MTF1: variants seen among roughly 807,000 people sequenced by gnomAD.
The protein encoded by MTF1 is metal regulatory transcription factor 1, also known as MRE-binding transcription factor.
Under a neutral mutation model 70.4 loss-of-function variants are expected in MTF1, and 22 were observed. That is an observed-to-expected ratio of 0.31 (90% CI 0.22 to 0.45). The LOEUF (loss-of-function observed/expected upper bound fraction) is 0.45. Ranked by LOEUF, MTF1 falls within the 20% of genes least tolerant of loss-of-function variation. The pLI is 1.00. For missense variants in MTF1, 649 were observed against 922.0 expected (o/e 0.70, Z 3.83); for synonymous variants, 333 against 352.8 (o/e 0.94, Z 0.63).
In MTF1 at chr1:37,815,875, C is replaced by T. The variant is rs1364176192; in HGVS notation, c.1832-309G>A. ...ACCCTCCCTGTGGAGGCCTACTTTT[C>T]CTGACACGTTCTTTATACCCCTGGG... On this transcript the variant is annotated intron_variant, in intron 10 of 10. Coordinates refer to ENST00000373036, the MANE Select transcript of MTF1 (RefSeq NM_005955.3). The surrounding 1 kb of genome is among the most constrained non-coding windows in gnomAD (Gnocchi z 4.5). 6.6e-6 allele frequency among the ~76,000 whole-genome samples: 1 copy of T among 152,148 alleles called. No individual in the cohort carries two copies. The highest frequency in any genetic ancestry group is 6.5e-5 in the Admixed American group (1 of 15,278).
In MTF1 at chr1:37,857,467, G is replaced by A. The variant is rs143216381; in HGVS notation, c.192C>T (p.Asp64=). The A allele has an allele frequency of 3.3e-5, 53 of 1,614,022 alleles. No homozygotes were observed. In the African/African-American group the frequency reaches 3.6e-4, roughly 11 times the overall value. The change falls in exon 2 of 11, where the codon GAC becomes GAT. Residue 64 remains aspartate, a synonymous_variant. Transcript: ENST00000373036. ...AAGGCAAGTGTTCTCCGCACTGTCCGTCGTCATCTTCATCCTCCAAAGTGC... is the reference window on the plus strand; with the variant it reads ...AAGGCAAGTGTTCTCCGCACTGTCCATCGTCATCTTCATCCTCCAAAGTGC... ...DPGTLEDEDD[D]GQCGEHLPFL... is the part of the protein sequence containing the mutation.
Position 37,840,275 on chromosome 1 carries a change from T to G in MTF1, c.409-117A>C. On this transcript the variant is annotated intron_variant, in intron 2 of 10. Transcript: ENST00000373036. The surrounding 1 kb of genome is among the most constrained non-coding windows in gnomAD (Gnocchi z 4.5). ...GGACAATACAACTGGGTTTTCATCA[T>G]AAACACAGAAAACAGCCTCTAGCAG... 3 of 909,814 alleles carry G rather than the reference T, an allele frequency of 3.3e-6. No homozygotes were observed. The highest frequency in any genetic ancestry group is 5.2e-6 in the Non-Finnish European group (3 of 581,314). 56.4% of individuals were successfully genotyped at this position (909,814 alleles called of 1,614,324 possible).
chr1:37,826,447 C>T, intron 7 of MTF1: 1 of 376,978 alleles, frequency 2.7e-6, no homozygotes, highest in South Asian at 1.9e-5. Flanking sequence ...TGCCTGGCTG[C>T]TTTTTAAAAA....
At chr1:37,847,744 C>T (rs1272327737) in intron 2 of MTF1, among the ~76,000 whole-genome samples, 2 of 152,198 alleles carry the variant, frequency 1.3e-5, no homozygotes, top group Admixed American at 1.3e-4. Flanking sequence ...AAGTGCTCAC[C>T]TAGCACTTTG....
intron 2 of MTF1, among the ~76,000 whole-genome samples, chr1:37,850,638 T>TGA (rs1641404013): frequency 6.6e-6 from 1 of 151,884 alleles, no homozygotes; most frequent in East Asian, 1.9e-4. Context: ...ATAACAAGTA[T>TGA]GAGAATAAGA....
chr1:37,842,268 A>C (rs552395174), intron 2 of MTF1, among the ~76,000 whole-genome samples: 10 of 152,210 alleles, frequency 6.6e-5, no homozygotes, highest in Non-Finnish European at 1.2e-4. Context: ...TAATAATAAC[A>C]ATAACATTTT....
At chr1:37,849,269 T>C (rs1030587622) in intron 2 of MTF1, among the ~76,000 whole-genome samples, 1 of 151,930 alleles carries the variant, frequency 6.6e-6, no homozygotes, top group Non-Finnish European at 1.5e-5. Flanking sequence ...CTACTAAAAA[T>C]ACAAAATTTA....
intron 2 of MTF1, among the ~76,000 whole-genome samples, chr1:37,842,815 A>G (rs190683774): frequency 6.6e-6 from 1 of 152,312 alleles, no homozygotes; most frequent in African/African-American, 2.4e-5. Context: ...TCAACATGTT[A>G]AATGTCAGAG....
rs562077303 is a variant in MTF1 at position 37,814,030 on chromosome 1, G to A, written c.*1106C>T. On this transcript the variant is annotated 3_prime_UTR_variant, in exon 11 of 11. Coordinates refer to ENST00000373036, the MANE Select transcript of MTF1 (RefSeq NM_005955.3). ...TTTTTTAAATAAATCACATGACTAA[G>A]CTGAGCAAGTCACATCCTTGTTTGC... 6.7e-6 allele frequency: 1 copy of A among 148,580 alleles called. No homozygotes were observed. The highest frequency in any genetic ancestry group is 2.5e-5 in the African/African-American group (1 of 40,044). 9.2% of individuals were successfully genotyped at this position (148,580 alleles called of 1,614,324 possible).
At chr1:37,852,415 A>C (rs1426303231) in intron 2 of MTF1, among the ~76,000 whole-genome samples, 1 of 152,214 alleles carries the variant, frequency 6.6e-6, no homozygotes, top group African/African-American at 2.4e-5. Context: ...GAATGGGATC[A>C]CCATTTGGAG....
intron 2 of MTF1, among the ~76,000 whole-genome samples, chr1:37,851,372 T>C (rs1268172564): frequency 6.6e-6 from 1 of 152,224 alleles, no homozygotes; most frequent in African/African-American, 2.4e-5. Context: ...ATCAATGATC[T>C]GAAGACAAGA....
At position 37,815,020 on chromosome 1, in the gene MTF1, A is replaced by G; in HGVS notation, c.*116T>C. ...ATAAAGAAAATACGTCTGAAAGGTG[A>G]GGATTTCAAACAGTAGATTTCTTCA... On this transcript the variant is annotated 3_prime_UTR_variant, in exon 11 of 11. Coordinates refer to ENST00000373036, the MANE Select transcript of MTF1 (RefSeq NM_005955.3). This position sits in a 1 kb window ranked among gnomAD's most constrained non-coding sequence, Gnocchi z 4.5. 1.3e-6 allele frequency: 1 copy of G among 795,068 alleles called. No homozygotes were observed. The highest frequency in any genetic ancestry group is 2.7e-5 in the East Asian group (1 of 37,430). The allele number at this position is 795,068 out of a possible 1,614,324, so 49.3% of individuals were successfully genotyped here.
At chr1:37,831,895 T>C (rs769832889) in intron 7 of MTF1, among the ~76,000 whole-genome samples, 142 of 152,330 alleles carry the variant, frequency 9.3e-4, no homozygotes, top group African/African-American at 3.2e-3. Context: ...TGTCTTACAG[T>C]ACTAGACTTT....
intron 4 of MTF1, among the ~76,000 whole-genome samples, 172 bp downstream of exon 4, chr1:37,838,453 T>A (rs2148413178): frequency 6.6e-6 from 1 of 152,306 alleles, no homozygotes; most frequent in Non-Finnish European, 1.5e-5. Context: ...TTGGACTCCA[T>A]CAGCACCCCT....
At chr1:37,844,583 G>A (rs573762344) in intron 2 of MTF1, among the ~76,000 whole-genome samples, 1 of 152,306 alleles carries the variant, frequency 6.6e-6, no homozygotes, top group African/African-American at 2.4e-5. Context: ...CCACTAAGGA[G>A]AAATGGGATT....
At chr1:37,843,935 A>C (rs1405815655) in intron 2 of MTF1, among the ~76,000 whole-genome samples, 1 of 134,110 alleles carries the variant, frequency 7.5e-6, no homozygotes, top group Non-Finnish European at 1.5e-5. Context: ...AAGTGCTCTC[A>C]CCTGTTCATT....
At chr1:37,827,277 T>G (rs142900703) in intron 7 of MTF1, among the ~76,000 whole-genome samples, 15 of 151,840 alleles carry the variant, frequency 9.9e-5, no homozygotes, top group African/African-American at 3.6e-4. Flanking sequence ...CAATCCAGTT[T>G]GAAAAATAGT....
In MTF1 at chr1:37,809,918, T is replaced by C. The variant is rs543832849; in HGVS notation, c.*5218A>G. On this transcript the variant is annotated 3_prime_UTR_variant, in exon 11 of 11. Transcript: ENST00000373036. Reference sequence around the variant, plus strand: ...TGTCACCAAGACCCCGGCCAATGATTAGTGTATGTCAAAAAAAAGGGCTCT... The same window carrying C: ...TGTCACCAAGACCCCGGCCAATGATCAGTGTATGTCAAAAAAAAGGGCTCT... The C allele has an allele frequency of 3.2e-4, 49 of 152,636 alleles. No homozygotes were observed. Among genetic ancestry groups the C allele is most frequent in the South Asian group, 1.9e-3 (9 of 4,816 alleles). 9.5% of individuals were successfully genotyped at this position (152,636 alleles called of 1,614,324 possible).
intron 7 of MTF1, among the ~76,000 whole-genome samples, chr1:37,831,431 A>G (rs911598910): frequency 6.6e-6 from 1 of 152,178 alleles, no homozygotes; most frequent in African/African-American, 2.4e-5. Context: ...ACTTCCCATC[A>G]TATTTATTCA....
Sources: allele counts gnomAD v4.1 joint callset (sites outside exome capture counted in the v4.1 genomes callset), GRCh38; gene constraint gnomAD v4.1.1; non-coding constraint Gnocchi (gnomAD v3.1); transcripts MANE v1.5; gene names NCBI Gene and HGNC (gene_info 2026-07-23, HGNC 2026-07-21).